NSG2: variants seen among roughly 807,000 people sequenced by gnomAD.
NSG2 encodes the protein neuronal vesicle trafficking associated 2.
Under a neutral mutation model 16.9 loss-of-function variants are expected in NSG2, and 4 were observed. The ratio of observed to expected loss-of-function variants is 0.24; its 90% CI spans 0.12 to 0.54. The LOEUF (loss-of-function observed/expected upper bound fraction) is 0.54. NSG2 is among the 20% of genes least tolerant of loss of function. The probability of loss-of-function intolerance (pLI) is 0.95; values close to 1 mark genes in which losing one functional copy is unlikely to be tolerated. For synonymous variants in NSG2, 98 were observed against 88.7 expected (o/e 1.11, Z -0.59); for missense variants, 179 against 221.1 (o/e 0.81, Z 1.21).
intron 3 of NSG2, among the ~76,000 whole-genome samples, chr5:174,073,038 A>T (rs1366058046): frequency 1.3e-5 from 2 of 152,202 alleles, no homozygotes; most frequent in East Asian, 3.8e-4. Context: ...AAACAAAAAA[A>T]ATCCGTATGG....
intron 3 of NSG2, among the ~76,000 whole-genome samples, chr5:174,100,708 T>G (rs1480296500): frequency 6.6e-6 from 1 of 152,210 alleles, no homozygotes; most frequent in Non-Finnish European, 1.5e-5. Context: ...AATCAGCCCC[T>G]GCAGTTCCTA....
At chr5:174,055,598 T>C (rs1277552637) in intron 2 of NSG2, among the ~76,000 whole-genome samples, 5 of 151,894 alleles carry the variant, frequency 3.3e-5, no homozygotes, top group Admixed American at 6.6e-5. Context: ...AGACTCTGTC[T>C]CAAAAAAATA....
At chr5:174,047,097 C>G (rs1759813812) in intron 2 of NSG2, among the ~76,000 whole-genome samples, 1 of 152,084 alleles carries the variant, frequency 6.6e-6, no homozygotes, top group African/African-American at 2.4e-5. Flanking sequence ...TTGTTCATAT[C>G]TGCATAAATG....
intron 3 of NSG2, among the ~76,000 whole-genome samples, chr5:174,085,544 G>A (rs1760595343): frequency 6.6e-6 from 1 of 152,160 alleles, no homozygotes; most frequent in Non-Finnish European, 1.5e-5. Context: ...CAGTAAATAA[G>A]CTTCATGACC....
At chr5:174,050,361 C>G (rs1759868454) in intron 2 of NSG2, among the ~76,000 whole-genome samples, 1 of 152,128 alleles carries the variant, frequency 6.6e-6, no homozygotes, top group African/African-American at 2.4e-5. Flanking sequence ...TAGCTGGAGT[C>G]CTCTCGTGGA....
At chr5:174,079,793 A>G (rs951183664) in intron 3 of NSG2, among the ~76,000 whole-genome samples, 2 of 152,080 alleles carry the variant, frequency 1.3e-5, no homozygotes, top group African/African-American at 4.8e-5. Flanking sequence ...TTCATTCTAC[A>G]ATATTTCTAA....
At chr5:174,085,585 T>G (rs916498426) in intron 3 of NSG2, among the ~76,000 whole-genome samples, 1 of 152,244 alleles carries the variant, frequency 6.6e-6, no homozygotes, top group Non-Finnish European at 1.5e-5. Flanking sequence ...GCCTGCATTT[T>G]GGGACAAATT....
chr5:174,089,220 G>T (rs536161989), intron 3 of NSG2, among the ~76,000 whole-genome samples: 1 of 152,172 alleles, frequency 6.6e-6, no homozygotes, highest in Non-Finnish European at 1.5e-5. Context: ...CCCTAACTCC[G>T]AGGGGCAGCA....
intron 3 of NSG2, among the ~76,000 whole-genome samples, chr5:174,103,906 A>C (rs1403439264): frequency 7.2e-5 from 11 of 152,220 alleles, no homozygotes. Context: ...TGAAGGTTGC[A>C]GTGAGCTGAG....
At chr5:174,057,650 A>G (rs998811897) in intron 2 of NSG2, among the ~76,000 whole-genome samples, 2 of 152,186 alleles carry the variant, frequency 1.3e-5, no homozygotes, top group African/African-American at 2.4e-5. Context: ...CTCATTTATA[A>G]TCATTCCTCA....
In NSG2 at chr5:174,072,762, T is replaced by C. The variant is rs1033091927; in HGVS notation, c.213+8447T>C. 6.6e-6 allele frequency among the ~76,000 whole-genome samples: 1 copy of C among 152,188 alleles called. No individual in the cohort carries two copies. Among genetic ancestry groups the C allele is most frequent in the South Asian group, 2.1e-4 (1 of 4,828 alleles). The stretch of plus-strand genomic sequence containing the variant: ...ACTTTGGAAGGCCAAGGTGGGAGGA[T>C]TGCTTGAACCCAGGAGTTTGAGACC... On this transcript the variant is annotated intron_variant, in intron 3 of 4. Coordinates refer to ENST00000303177, the MANE Select transcript of NSG2 (RefSeq NM_015980.5). This position sits in a 1 kb window ranked among gnomAD's most constrained non-coding sequence, Gnocchi z 4.0.
intron 3 of NSG2, among the ~76,000 whole-genome samples, chr5:174,089,517 G>A (rs148340450): frequency 4.6e-5 from 7 of 151,832 alleles, no homozygotes; most frequent in Admixed American, 4.6e-4. Flanking sequence ...GCACAGAGGA[G>A]CCTGGCCCAA....
intron 2 of NSG2, among the ~76,000 whole-genome samples, chr5:174,050,566 C>A (rs185315508): frequency 1.3e-5 from 2 of 152,274 alleles, no homozygotes; most frequent in Non-Finnish European, 2.9e-5. Flanking sequence ...AGGGTTGGAA[C>A]CTCAGTGTAC....
intron 3 of NSG2, among the ~76,000 whole-genome samples, chr5:174,101,816 G>A (rs1216438323): frequency 2.0e-5 from 3 of 152,186 alleles, no homozygotes; most frequent in Non-Finnish European, 4.4e-5. Flanking sequence ...CAGCATTTGT[G>A]AGTCGTGGTC....
At chr5:174,095,017 C>A (rs1760774014) in intron 3 of NSG2, among the ~76,000 whole-genome samples, 1 of 152,146 alleles carries the variant, frequency 6.6e-6, no homozygotes, top group Admixed American at 6.5e-5. Context: ...GTAATGAGAG[C>A]AAAACTAGGC....
chr5:174,060,633 G>A (rs1025721933), intron 2 of NSG2, among the ~76,000 whole-genome samples: 1 of 131,900 alleles, frequency 7.6e-6, no homozygotes, highest in Non-Finnish European at 1.5e-5. Context: ...AGGCTAGCTG[G>A]GTTCTCTGCA....
chr5:174,100,302 G>A (rs1262721034), intron 3 of NSG2, among the ~76,000 whole-genome samples: 5 of 152,252 alleles, frequency 3.3e-5, no homozygotes, highest in African/African-American at 1.2e-4. Context: ...AACATGCTGA[G>A]GCCTGGACTG....
intron 3 of NSG2, among the ~76,000 whole-genome samples, chr5:174,083,625 G>C (rs1246491697): frequency 6.6e-6 from 1 of 152,184 alleles, no homozygotes; most frequent in African/African-American, 2.4e-5. Flanking sequence ...TCCTTGCAAA[G>C]CTCCTTTTTT....
chr5:174,066,747 G>T (rs1160676823), intron 3 of NSG2, among the ~76,000 whole-genome samples: 1 of 152,042 alleles, frequency 6.6e-6, no homozygotes, highest in Non-Finnish European at 1.5e-5. Flanking sequence ...TTATCCAGCA[G>T]TCATTTGAAA....
Sources: allele counts gnomAD v4.1 joint callset (sites outside exome capture counted in the v4.1 genomes callset), GRCh38; gene constraint gnomAD v4.1.1; non-coding constraint Gnocchi (gnomAD v3.1); transcripts MANE v1.5; gene names NCBI Gene and HGNC (gene_info 2026-07-23, HGNC 2026-07-21).